The following ABHD12 variants were observed in gnomAD, a reference collection of about 807,000 sequenced individuals.
The protein encoded by ABHD12 is lysophosphatidylserine lipase ABHD12.
In ABHD12, 43 loss-of-function variants were observed where a neutral mutation model predicts 58.3. The observed-to-expected ratio is 0.74, with a 90% CI of 0.58 to 0.95. The LOEUF (loss-of-function observed/expected upper bound fraction) is 0.95. Among genes scored for constraint, ABHD12 ranks in the 40% least tolerant of loss-of-function variants. The probability of loss-of-function intolerance (pLI) is 0.00; values close to 1 mark genes in which losing one functional copy is unlikely to be tolerated. For synonymous variants in ABHD12, 219 were observed against 211.2 expected, an observed-to-expected ratio of 1.04 and a Z score of -0.32; for missense variants, 539 against 537.2, an observed-to-expected ratio of 1.00 and a Z score of -0.03.
At chr20:25,330,149 G>A (rs112453388) in intron 2 of ABHD12, among the ~76,000 whole-genome samples, 1 of 152,262 alleles carries the variant, frequency 6.6e-6, no homozygotes. Context: ...TGCCTCACTC[G>A]GGAAGCGCAA....
chr20:25,368,233 A>G (rs1364795395), intron 1 of ABHD12: 1 of 1,434,480 alleles, frequency 7.0e-7, no homozygotes, highest in African/African-American at 1.4e-5. Context: ...GAGCTACAGA[A>G]GGAATGGTCT....
At chr20:25,304,110 C>G (rs552450670) in intron 10 of ABHD12, among the ~76,000 whole-genome samples, 1 of 152,380 alleles carries the variant, frequency 6.6e-6, no homozygotes, top group African/African-American at 2.4e-5. Flanking sequence ...ATAACAGAAG[C>G]ATGGGCTGCC....
chr20:25,323,419 A>G lies in ABHD12; in HGVS notation c.328T>C (p.Tyr110His). The G allele has an allele frequency of 6.2e-7, 1 of 1,605,236 alleles. No homozygotes were observed. The highest frequency in any genetic ancestry group is 8.5e-7 in the Non-Finnish European group (1 of 1,171,850). The change falls in exon 3 of 13, where the codon TAT becomes CAT. Residue 110 changes from tyrosine to histidine, a missense_variant. Physicochemically the swap from Tyr to His is moderately conservative, Grantham distance 83 (BLOSUM62 2). Transcript: ENST00000339157. ...TGTGGTTTTTTCAAATCAATGAAAT[A>G]GGGAACTCTTACTGTAGGAAATAAA... is the stretch of plus-strand genomic sequence containing the variant. ...LIFLNFVRVP[Y>H]FIDLKKPQDQ...
chr20:25,372,011 G>T (rs1361716526), intron 1 of ABHD12, among the ~76,000 whole-genome samples: 4 of 152,014 alleles, frequency 2.6e-5, no homozygotes, highest in Non-Finnish European at 4.4e-5. Context: ...TTCACTTGTT[G>T]TTTTTTTAGA....
downstream of ABHD12, among the ~76,000 whole-genome samples, chr20:25,298,835 C>T (rs538124121): frequency 2.6e-5 from 4 of 152,332 alleles, no homozygotes; most frequent in East Asian, 7.7e-4. Context: ...TCCTTGGCCT[C>T]AGACCTGGTC....
intron 6 of ABHD12, among the ~76,000 whole-genome samples, chr20:25,314,498 C>T (rs960562188): frequency 4.0e-5 from 6 of 151,846 alleles, no homozygotes; most frequent in Non-Finnish European, 7.4e-5. Flanking sequence ...GGCAACACAG[C>T]GATACCCCAT....
chr20:25,354,946 C>G (rs1242849273), intron 1 of ABHD12, among the ~76,000 whole-genome samples: 1 of 152,130 alleles, frequency 6.6e-6, no homozygotes, highest in African/African-American at 2.4e-5. Flanking sequence ...TCTTTCTGTA[C>G]TTTCTGAACA....
intron 1 of ABHD12, among the ~76,000 whole-genome samples, chr20:25,353,271 T>G (rs1185394817): frequency 6.6e-6 from 1 of 151,898 alleles, no homozygotes; most frequent in Non-Finnish European, 1.5e-5. Flanking sequence ...TCTGTTTTTT[T>G]TTTTCCTGGC....
At chr20:25,322,381 A>ATATATATATATATATATATATATATATAT in intron 3 of ABHD12, among the ~76,000 whole-genome samples, 2 of 59,270 alleles carry the variant, frequency 3.4e-5, no homozygotes, top group Non-Finnish European at 6.4e-5. Flanking sequence ...ATATATATAT[A>ATATATATATATATATATATATATATATAT]TTTTTTTTTT....
chr20:25,322,383 T>TATATATATATATATATATATA (rs1568727719), intron 3 of ABHD12, among the ~76,000 whole-genome samples: 5 of 31,584 alleles, frequency 1.6e-4, no homozygotes, highest in African/African-American at 1.6e-4. Flanking sequence ...ATATATATAT[T>TATATATATATATATATATATA]TTTTTTTTTT....
intron 12 of ABHD12, 71 bp from the exon 13 acceptor site, chr20:25,300,955 C>T (rs2145914138): frequency 1.3e-6 from 2 of 1,502,814 alleles, no homozygotes; most frequent in Non-Finnish European, 1.8e-6. Flanking sequence ...AGTCCTCACA[C>T]TGCTATCTAA....
chr20:25,331,614 A>C (rs2089278095), intron 2 of ABHD12, among the ~76,000 whole-genome samples: 3 of 152,188 alleles, frequency 2.0e-5, no homozygotes, highest in African/African-American at 7.2e-5. Flanking sequence ...CTCTCGGCAG[A>C]AACTCTACAA....
intron 12 of ABHD12, among the ~76,000 whole-genome samples, chr20:25,301,541 G>C (rs1325273818): frequency 6.6e-6 from 1 of 152,266 alleles, no homozygotes; most frequent in Non-Finnish European, 1.5e-5. Flanking sequence ...CATGCACAGG[G>C]AGGGTTAGCA....
At chr20:25,326,070 A>C (rs2089170436) in intron 2 of ABHD12, among the ~76,000 whole-genome samples, 1 of 139,112 alleles carries the variant, frequency 7.2e-6, no homozygotes, top group Non-Finnish European at 1.5e-5. Flanking sequence ...GACTCTGTCC[A>C]AAAAAAAAAA....
chr20:25,377,359 A>C (rs2089973432), intron 1 of ABHD12, among the ~76,000 whole-genome samples: 1 of 152,148 alleles, frequency 6.6e-6, no homozygotes, highest in Non-Finnish European at 1.5e-5. Context: ...ATTCTTAGTC[A>C]GTTTTTTGTT....
chr20:25,365,980 T>C (rs2089815015), intron 1 of ABHD12, among the ~76,000 whole-genome samples: 1 of 152,138 alleles, frequency 6.6e-6, no homozygotes, highest in Non-Finnish European at 1.5e-5. Context: ...GTCAAGGCTG[T>C]AGTGAGCTGA....
intron 1 of ABHD12, among the ~76,000 whole-genome samples, chr20:25,386,152 T>A (rs1015397090): frequency 2.9e-5 from 3 of 104,808 alleles, no homozygotes; most frequent in Admixed American, 2.1e-4. Flanking sequence ...TAAAATGTTA[T>A]GTAAGAAACT....
At chr20:25,365,089 C>T (rs1251596679) in intron 1 of ABHD12, among the ~76,000 whole-genome samples, 8 of 152,220 alleles carry the variant, frequency 5.3e-5, no homozygotes, top group African/African-American at 1.9e-4. Flanking sequence ...GCTGGTACAG[C>T]ACCAAGTGTT....
At chr20:25,295,796 G>C (rs2088532996), downstream of ABHD12, 6 of 1,081,550 alleles carry the variant, frequency 5.5e-6, no homozygotes, top group Non-Finnish European at 8.4e-6. Context: ...TTGTGATTCT[G>C]ATCTGTCATC....
Sources: gnomAD v4.1 joint callset for allele counts (sites outside exome capture counted in the v4.1 genomes callset) on GRCh38, gnomAD v4.1.1 for gene constraint, MANE v1.5 for transcripts, NCBI Gene and HGNC (gene_info 2026-07-23, HGNC 2026-07-21) for gene names.